The following LSS variants were observed in gnomAD, a reference collection of about 807,000 sequenced individuals.
The protein encoded by LSS is 2,3-epoxysqualene-lanosterol cyclase.
Under a neutral mutation model 110.3 loss-of-function variants are expected in LSS, and 90 were observed. The observed-to-expected ratio is 0.82, with a 90% CI of 0.69 to 0.97. The LOEUF is 0.97. LSS is among the 50% of genes least tolerant of loss of function. The pLI is 0.00. For synonymous variants in LSS, 433 were observed against 400.0 expected, an observed-to-expected ratio of 1.08 and a Z score of -0.98; for missense variants, 927 against 990.0, an observed-to-expected ratio of 0.94 and a Z score of 0.85.
In LSS at chr21:46,194,555, A is replaced by T. The variant is rs2254524; in HGVS notation, c.1924T>A (p.Leu642Met). Residue 642 changes from leucine (L) to methionine (M), a missense_variant, in exon 20 of 22, where the codon TTG (leucine) becomes ATG (methionine). By Grantham distance (15) the Leu-to-Met change is conservative. Coordinates refer to ENST00000397728, the MANE Select transcript of LSS (RefSeq NM_002340.6). ...DFESCEERRY[L>M]QSAQSQIHNT... ...TGGATCTGGGACTGGGCACTCTGCA[A>T]ATAACGCCGCTCCTCGCAGGACTCA... The T allele has an allele frequency of 5.6e-6, 9 of 1,613,614 alleles. No individual in the cohort carries two copies. The highest frequency in any genetic ancestry group is 1.7e-5 in the Admixed American group (1 of 60,004).
Position 46,189,651 on chromosome 21 carries a change from T to A in LSS, c.*1453A>T. 2.2e-6 allele frequency: 1 copy of A among 455,730 alleles called. No individual in the cohort carries two copies. The highest frequency in any genetic ancestry group is 4.4e-6 in the Non-Finnish European group (1 of 226,746). The allele number at this position is 455,730 out of a possible 1,614,324, so 28.2% of individuals were successfully genotyped here. Reference sequence around the variant, plus strand: ...GGACTCTGGGCAGGCAATGACAGGATCTGAGGGTGTCCAGACGCAGATCTC... The same window carrying A: ...GGACTCTGGGCAGGCAATGACAGGAACTGAGGGTGTCCAGACGCAGATCTC... On this transcript the variant is annotated 3_prime_UTR_variant, in exon 22 of 22. Coordinates refer to ENST00000397728, the MANE Select transcript of LSS (RefSeq NM_002340.6).
At chr21:46,206,267 AAC>A (rs1244067352) in intron 16 of LSS, among the ~76,000 whole-genome samples, 3 of 152,144 alleles carry the variant, frequency 2.0e-5, no homozygotes, top group Non-Finnish European at 4.4e-5. Context: ...GTACGGTGGC[AAC>A]CATGCACACA....
intron 5 of LSS, among the ~76,000 whole-genome samples, chr21:46,220,950 T>G (rs1601447117): frequency 8.2e-6 from 1 of 122,566 alleles, no homozygotes; most frequent in Non-Finnish European, 1.7e-5. Flanking sequence ...CTTGGAGAGG[T>G]AGACAGTTGG....
rs115281881 is a variant in LSS at position 46,189,344 on chromosome 21, G to A, written c.*1760C>T. On this transcript the variant is annotated 3_prime_UTR_variant, in exon 22 of 22. Transcript: ENST00000397728. ...TGCTACCCCACGTGGGGGAGAACAC[G>A]TGGGCTGAGAAAAAAAAACAGCATG... 9.7e-4 allele frequency: 279 copies of A among 287,052 alleles called. No individual in the cohort carries two copies. The highest frequency in any genetic ancestry group is 5.7e-3 in the African/African-American group (251 of 44,412). The allele number at this position is 287,052 out of a possible 1,614,324, so 17.8% of individuals were successfully genotyped here. A position where few individuals can be genotyped will look rare whatever the true frequency, so the allele number is the denominator to read the frequency against.
chr21:46,225,039 G>A (rs2080319992), intron 3 of LSS, among the ~76,000 whole-genome samples: 2 of 152,186 alleles, frequency 1.3e-5, no homozygotes, highest in South Asian at 4.1e-4. Flanking sequence ...CCACCTTGGT[G>A]CCAAGGCAAG....
At position 46,191,912 on chromosome 21, in the gene LSS, T is replaced by A. The variant is rs1251801582; in HGVS notation, c.2036A>T (p.Glu679Val). The A allele has an allele frequency of 1.9e-6, 3 of 1,613,566 alleles. No homozygotes were observed. Among genetic ancestry groups the A allele is most frequent in the East Asian group, 4.5e-5 (2 of 44,888 alleles). ...CCAGTCGCCATTGGGGAGCTGTTTCTCAAGTAGACACCGGACTCCTCTCTC... is the reference window on the plus strand; with the variant it reads ...CCAGTCGCCATTGGGGAGCTGTTTCACAAGTAGACACCGGACTCCTCTCTC... ...AQERGVRCLL[E>V]KQLPNGDWPQ... The change falls in exon 21 of 22, where the codon GAG becomes GTG. Residue 679 changes from glutamate to valine, a missense_variant. Physicochemically the swap from Glu to Val is moderately radical, Grantham distance 121. Coordinates refer to ENST00000397728, the MANE Select transcript of LSS (RefSeq NM_002340.6).
At position 46,215,786 on chromosome 21, in the gene LSS, T is replaced by C. The variant is rs1367898614; in HGVS notation, c.791A>G (p.Tyr264Cys). The change falls in exon 8 of 22, where the codon TAT (tyrosine) becomes TGT (cysteine). Residue 264 changes from tyrosine (Y) to cysteine (C), a missense_variant. Transcript: ENST00000397728. ...PLVQSLRQELYVEDFASIDWL... is the reference protein window; with the variant it reads ...PLVQSLRQELCVEDFASIDWL... ...GTCAATGCTGGCGAAGTCCTCCACA[T>C]AGAGCTCCTGGTGGGGGCAGTGTCT... 4.4e-6 allele frequency: 7 copies of C among 1,607,966 alleles called. No homozygotes were observed. The highest frequency in any genetic ancestry group is 2.2e-5 in the East Asian group (1 of 44,758).
chr21:46,219,601 A>G (rs1408529743), intron 5 of LSS, 29 bp from the exon 6 acceptor site: 2 of 1,426,644 alleles, frequency 1.4e-6, no homozygotes, highest in South Asian at 1.3e-5. Context: ...GGCCCACGTC[A>G]TCTGCTTCCT....
At chr21:46,222,254 T>C (rs1237929054) in intron 4 of LSS, 4 of 535,960 alleles carry the variant, frequency 7.5e-6, no homozygotes, top group Non-Finnish European at 1.3e-5. Context: ...GCGGTCCACT[T>C]TGGGCTATGG....
intron 2 of LSS, among the ~76,000 whole-genome samples, chr21:46,227,920 CACA>C (rs1395316401): frequency 2.0e-5 from 3 of 152,226 alleles, no homozygotes; most frequent in African/African-American, 4.8e-5. Context: ...ATGTATTCTT[CACA>C]ACTTCTCCAA....
intron 17 of LSS, among the ~76,000 whole-genome samples, chr21:46,199,891 C>T (rs1407926628): frequency 6.6e-6 from 1 of 152,160 alleles, no homozygotes; most frequent in Admixed American, 6.5e-5. Flanking sequence ...ATCTGTGAAA[C>T]CACAGAATGA....
At chr21:46,220,224 T>C (rs963875918) in intron 5 of LSS, 1 of 152,348 alleles carries the variant, frequency 6.6e-6, no homozygotes, top group African/African-American at 2.4e-5. Context: ...CTAGGCAAAG[T>C]GCAGCCTAAA....
Position 46,207,416 on chromosome 21 carries a change from C to A in LSS, c.1467+12G>T. 1 of 1,610,794 alleles carries A rather than the reference C, an allele frequency of 6.2e-7. No homozygotes were observed. The highest frequency in any genetic ancestry group is 2.2e-5 in the East Asian group (1 of 44,810). ...CGAGGTATGGACGGGGCTGCTGGGA[C>A]CACAGCCTTACCACAGCCACAGCAT... On this transcript the variant is annotated intron_variant, in intron 15 of 21. Transcript: ENST00000397728.
At chr21:46,201,577 G>C (rs1048958984) in intron 17 of LSS, among the ~76,000 whole-genome samples, 1 of 151,954 alleles carries the variant, frequency 6.6e-6, no homozygotes, top group Non-Finnish European at 1.5e-5. Flanking sequence ...GATCATGTGG[G>C]AGGACAGGTC....
rs1270628703 is a variant in LSS at position 46,209,741 on chromosome 21, C to A, written c.1195-116G>T. ...CCCCAACCGGGGACCAGAATCAAAC[C>A]AGCAGACATCTCCAGAGAGTGCCAG... is the stretch of plus-strand genomic sequence containing the variant. On this transcript the variant is annotated intron_variant, in intron 12 of 21. Transcript: ENST00000397728. The surrounding 1 kb of genome is among the most constrained non-coding windows in gnomAD (Gnocchi z 4.4). 2.5e-6 allele frequency: 2 copies of A among 797,274 alleles called. No homozygotes were observed. The highest frequency in any genetic ancestry group is 1.7e-5 in the African/African-American group (1 of 58,310). The allele number at this position is 797,274 out of a possible 1,614,324, so 49.4% of individuals were successfully genotyped here. A position where few individuals can be genotyped will look rare whatever the true frequency, so the allele number is the denominator to read the frequency against.
chr21:46,197,656 G>A (rs538752974), intron 17 of LSS, among the ~76,000 whole-genome samples: 2 of 152,246 alleles, frequency 1.3e-5, no homozygotes, highest in East Asian at 1.9e-4. Flanking sequence ...TTGGGAGATC[G>A]AGGTGGGCAG....
intron 5 of LSS, 88 bp downstream of exon 5, chr21:46,221,766 C>T: frequency 1.3e-6 from 2 of 1,578,504 alleles, no homozygotes; most frequent in Non-Finnish European, 1.7e-6. Context: ...GTTTCAGCTG[C>T]AAGTGCATCT....
At chr21:46,193,705 T>C in intron 20 of LSS, 1 of 452,566 alleles carries the variant, frequency 2.2e-6, no homozygotes, top group South Asian at 1.6e-5. Flanking sequence ...TGCATGTGTG[T>C]ACACAGGTGC....
At chr21:46,215,817 T>G (rs761807132) in intron 7 of LSS, 24 bp from the exon 8 acceptor site, 1 of 1,526,522 alleles carries the variant, frequency 6.6e-7, no homozygotes, top group South Asian at 1.2e-5. Flanking sequence ...TGTCTGAGCC[T>G]TGGGGCCTGG....
Sources: gnomAD v4.1 joint callset for allele counts (sites outside exome capture counted in the v4.1 genomes callset) on GRCh38, gnomAD v4.1.1 for gene constraint, Gnocchi (gnomAD v3.1) non-coding constraint, MANE v1.5 for transcripts, NCBI Gene and HGNC (gene_info 2026-07-23, HGNC 2026-07-21) for gene names.